NRG1: variants seen among roughly 807,000 people sequenced by gnomAD.
NRG1 encodes neuregulin 1, also known as pro-neuregulin-1, membrane-bound isoform.
A neutral mutation model predicts 63.8 loss-of-function variants in NRG1; 18 were observed. That is an observed-to-expected ratio of 0.28 (90% confidence interval 0.19 to 0.42). The LOEUF is 0.42. Among genes scored for constraint, NRG1 ranks in the 10% least tolerant of loss-of-function variants. NRG1 has a pLI of 1.00. For missense variants in NRG1, 762 were observed against 814.7 expected (o/e 0.94, Z 0.79); for synonymous variants, 302 against 301.3 (o/e 1.00, Z -0.02).
chr8:32,689,965 A>T (rs1370298777), intron 5 of NRG1, among the ~76,000 whole-genome samples: 1 of 152,208 alleles, frequency 6.6e-6, no homozygotes, highest in Non-Finnish European at 1.5e-5. Context: ...GAGAGGAACG[A>T]GTAGGAAGCT....
chr8:31,830,335 TTCCTTCCTTCCTTCCTTCCTTCCTTCCC>T (rs1347639894), intron 1 of NRG1, among the ~76,000 whole-genome samples: 52 of 112,070 alleles, frequency 4.6e-4, no homozygotes, highest in East Asian at 3.6e-3. Flanking sequence ...CCTTCCTTCC[TTCCTTCCTTCCTTCCTTCCTTCCTTCCC>T]TCCTTCCCTC....
intron 1 of NRG1, among the ~76,000 whole-genome samples, chr8:31,794,519 A>G (rs1267723579): frequency 2.6e-5 from 4 of 151,584 alleles, no homozygotes; most frequent in African/African-American, 7.3e-5. Flanking sequence ...ATAAAAACAC[A>G]CAAATGTTTA....
At chr8:32,365,894 C>T (rs1239302002) in intron 1 of NRG1, among the ~76,000 whole-genome samples, 2 of 152,148 alleles carry the variant, frequency 1.3e-5, no homozygotes, top group African/African-American at 2.4e-5. Flanking sequence ...CTTTATAATA[C>T]ACAACATTAT....
At chr8:32,489,797 C>T (rs775779638) in intron 1 of NRG1, among the ~76,000 whole-genome samples, 3 of 152,094 alleles carry the variant, frequency 2.0e-5, no homozygotes, top group Non-Finnish European at 4.4e-5. Flanking sequence ...TTGTCATCAC[C>T]GCCACTTTAA....
intron 1 of NRG1, among the ~76,000 whole-genome samples, chr8:32,591,154 A>G (rs1842460504): frequency 6.6e-6 from 1 of 152,196 alleles, no homozygotes. Context: ...TATCAACTTA[A>G]GAGAGCTGTT....
intron 4 of NRG1, 66 bp downstream of exon 4, chr8:32,614,630 T>C: frequency 7.4e-6 from 11 of 1,481,452 alleles, no homozygotes; most frequent in Non-Finnish European, 1.0e-5. Flanking sequence ...GGCTGCTCCT[T>C]CTACTAATCA....
upstream of NRG1, among the ~76,000 whole-genome samples, chr8:32,543,688 TAA>T (rs1832787540): frequency 6.6e-6 from 1 of 152,162 alleles, no homozygotes; most frequent in African/African-American, 2.4e-5. Flanking sequence ...TAGTAATTTT[TAA>T]AAGTCACACA....
chr8:32,038,935 C>A (rs1819503231), intron 1 of NRG1, among the ~76,000 whole-genome samples: 1 of 151,996 alleles, frequency 6.6e-6, no homozygotes, highest in Non-Finnish European at 1.5e-5. Context: ...CAAAAGTGAT[C>A]TGTATCCTCT....
chr8:31,803,114 C>A (rs1215300181), intron 1 of NRG1, among the ~76,000 whole-genome samples: 3 of 152,130 alleles, frequency 2.0e-5, no homozygotes, highest in Non-Finnish European at 2.9e-5. Context: ...ACTTTTTCTC[C>A]TCTTATTGAA....
chr8:32,226,686 C>T (rs1260844500), intron 1 of NRG1, among the ~76,000 whole-genome samples: 2 of 152,096 alleles, frequency 1.3e-5, no homozygotes. Context: ...TGGGGCATAG[C>T]ATTTGATTAT....
chr8:31,775,801 T>G (rs1485676005), intron 1 of NRG1, among the ~76,000 whole-genome samples: 2 of 137,178 alleles, frequency 1.5e-5, no homozygotes, highest in Non-Finnish European at 3.0e-5. Flanking sequence ...GAGAATGGTG[T>G]GAACCCAGGA....
At chr8:32,208,356 T>C (rs907239176) in intron 1 of NRG1, among the ~76,000 whole-genome samples, 12 of 151,604 alleles carry the variant, frequency 7.9e-5, no homozygotes, top group Non-Finnish European at 1.2e-4. Flanking sequence ...TGATCTCGGC[T>C]CACTGCATCC....
intron 1 of NRG1, among the ~76,000 whole-genome samples, chr8:32,183,348 C>T (rs1841631150): frequency 2.6e-5 from 4 of 152,186 alleles, no homozygotes; most frequent in Admixed American, 2.6e-4. Flanking sequence ...TCTTCCTGTT[C>T]CCGTCTCCTT....
chr8:32,133,839 T>A (rs1020395090), intron 1 of NRG1, among the ~76,000 whole-genome samples: 1 of 152,146 alleles, frequency 6.6e-6, no homozygotes, highest in Non-Finnish European at 1.5e-5. Flanking sequence ...TAAAAAGTAG[T>A]GATTTCTTAG....
intron 1 of NRG1, among the ~76,000 whole-genome samples, chr8:31,653,047 C>G (rs1375462875): frequency 7.6e-6 from 1 of 130,798 alleles, no homozygotes; most frequent in Non-Finnish European, 1.6e-5. Flanking sequence ...CCCCTCCTCT[C>G]CTCTCCTCTT....
intron 1 of NRG1, among the ~76,000 whole-genome samples, chr8:32,159,790 G>A (rs1838624067): frequency 6.6e-6 from 1 of 151,918 alleles, no homozygotes; most frequent in Non-Finnish European, 1.5e-5. Flanking sequence ...TAATTATAAT[G>A]GAATGAATCA....
chr8:32,128,971 C>A (rs1834451794), intron 1 of NRG1, among the ~76,000 whole-genome samples: 1 of 151,934 alleles, frequency 6.6e-6, no homozygotes, highest in Non-Finnish European at 1.5e-5. Context: ...ACTCATCCTC[C>A]AAATTTCAGC....
At chr8:32,710,944 G>C (rs1428062077) in intron 5 of NRG1, among the ~76,000 whole-genome samples, 3 of 152,138 alleles carry the variant, frequency 2.0e-5, no homozygotes, top group African/African-American at 4.8e-5. Context: ...CCTGCCTTCT[G>C]CTAAGTATGC....
At chr8:32,617,975 G>A (rs575884391) in intron 5 of NRG1, among the ~76,000 whole-genome samples, 15 of 152,216 alleles carry the variant, frequency 9.9e-5, no homozygotes, top group South Asian at 6.2e-4. Flanking sequence ...TACATAAAGC[G>A]TCATTTAACT....
Sources: gnomAD v4.1 joint callset for allele counts (sites outside exome capture counted in the v4.1 genomes callset) on GRCh38, gnomAD v4.1.1 for gene constraint, MANE v1.5 for transcripts, NCBI Gene and HGNC (gene_info 2026-07-23, HGNC 2026-07-21) for gene names.